OSBPL1A: variants seen among roughly 807,000 people sequenced by gnomAD.
OSBPL1A encodes the protein oxysterol-binding protein-related protein 1.
OSBPL1A carries 80 observed loss-of-function variants against 137.1 expected under a neutral mutation model. The ratio of observed to expected loss-of-function variants is 0.58; its 90% CI spans 0.49 to 0.70. The LOEUF (loss-of-function observed/expected upper bound fraction) is 0.70. Ranked by LOEUF, OSBPL1A falls within the 30% of genes least tolerant of loss-of-function variation. The probability of loss-of-function intolerance (pLI) is 0.00; values close to 1 mark genes in which losing one functional copy is unlikely to be tolerated. For synonymous variants in OSBPL1A, 365 were observed against 389.7 expected (o/e 0.94, Z 0.75); for missense variants, 970 against 1,129.4 (o/e 0.86, Z 2.02).
intron 1 of OSBPL1A, among the ~76,000 whole-genome samples, chr18:24,379,761 A>G (rs780733044): frequency 3.2e-4 from 47 of 144,834 alleles, no homozygotes; most frequent in Non-Finnish European, 4.1e-4. Flanking sequence ...TCCCAGCTAT[A>G]TCGGGAGGCT....
chr18:24,343,632 C>G (rs1022882410), intron 4 of OSBPL1A, among the ~76,000 whole-genome samples: 2 of 152,114 alleles, frequency 1.3e-5, no homozygotes, highest in African/African-American at 4.8e-5. Flanking sequence ...CACAGACCAA[C>G]AGAACAGAAT....
chr18:24,204,368 G>A (rs1440214903), intron 17 of OSBPL1A, among the ~76,000 whole-genome samples: 3 of 152,018 alleles, frequency 2.0e-5, no homozygotes, highest in Admixed American at 1.3e-4. Flanking sequence ...CATCTATACC[G>A]CTGGATTTTT....
intron 24 of OSBPL1A, 93 bp from the exon 25 acceptor site, chr18:24,167,538 G>A: frequency 9.7e-7 from 1 of 1,032,038 alleles, no homozygotes; most frequent in Non-Finnish European, 1.5e-6. Context: ...ACAACAGACT[G>A]TAAATATGAT....
Position 24,317,507 on chromosome 18 carries a change from G to A in OSBPL1A, c.733-107C>T, listed in dbSNP as rs2090758545. On this transcript the variant is annotated intron_variant, in intron 9 of 27. Coordinates refer to ENST00000319481, the MANE Select transcript of OSBPL1A (RefSeq NM_080597.4). ...ACAGTCATATTTGAGTCTTTAGACA[G>A]TAGCACTGAACAGTAAAAAAAAATG... is the stretch of plus-strand genomic sequence containing the variant. 3 of 818,234 alleles carry A rather than the reference G, an allele frequency of 3.7e-6. No individual in the cohort carries two copies. The Admixed American group carries it at 6.9e-5, about 19-fold the overall frequency. 50.7% of individuals were successfully genotyped at this position (818,234 alleles called of 1,614,324 possible). A position where few individuals can be genotyped will look rare whatever the true frequency, so the allele number is the denominator to read the frequency against.
chr18:24,301,514 C>A (rs948664113), intron 14 of OSBPL1A, among the ~76,000 whole-genome samples: 9 of 151,818 alleles, frequency 5.9e-5, no homozygotes, highest in African/African-American at 2.2e-4. Flanking sequence ...AATCTCCCTA[C>A]TTTTTGGTAG....
intron 21 of OSBPL1A, 38 bp from the exon 22 acceptor site, chr18:24,172,521 G>A (rs1029162434): frequency 1.4e-6 from 2 of 1,419,774 alleles, no homozygotes; most frequent in Non-Finnish European, 2.0e-6. Flanking sequence ...ATAAGTGAGA[G>A]GTATCACTTT....
At chr18:24,390,091 A>T (rs17187528) in intron 1 of OSBPL1A, among the ~76,000 whole-genome samples, 22,647 of 152,190 alleles carry the variant, frequency 0.15, 2,418 homozygotes, top group East Asian at 0.45. Context: ...TCAGGAATAG[A>T]GTTCTTAAAG....
At chr18:24,335,490 T>C (rs758028428) in intron 5 of OSBPL1A, among the ~76,000 whole-genome samples, 4 of 152,192 alleles carry the variant, frequency 2.6e-5, no homozygotes, top group Non-Finnish European at 1.5e-5. Context: ...CAATCCGATT[T>C]GTGTGAGAGA....
In OSBPL1A at chr18:24,368,289, T is replaced by TC. The variant is rs759182738; in HGVS notation, c.204dup (p.Lys69GlufsTer11). The TC allele has an allele frequency of 6.2e-6, 10 of 1,608,450 alleles. No individual in the cohort carries two copies. Among genetic ancestry groups the TC allele is most frequent in the Non-Finnish European group, 7.7e-6 (9 of 1,175,284 alleles). ...AAAAATTAAAGTCATAAATAGACCT[T>TC]CAACAGATCCTGGACCACTTGTCTG... is the stretch of plus-strand genomic sequence containing the variant. On this transcript the variant is annotated frameshift_variant, in exon 3 of 28. Transcript: ENST00000319481. LOFTEE classifies it high-confidence loss of function.
chr18:24,249,709 G>A (rs2089014535), intron 15 of OSBPL1A, among the ~76,000 whole-genome samples: 1 of 152,148 alleles, frequency 6.6e-6, no homozygotes, highest in African/African-American at 2.4e-5. Context: ...AGGAGCATTT[G>A]GACCAGCCCT....
chr18:24,285,580 GA>G lies in OSBPL1A; in HGVS notation c.1175-4633del, dbSNP rs1486274372. Among the ~76,000 whole-genome samples the G allele has an allele frequency of 7.9e-5, 12 of 152,156 alleles. No homozygotes were observed. The East Asian group carries it at 1.7e-3, about 22-fold the overall frequency. ...CATCATTTGGGACAAGTATTTAAAA[GA>G]AAAAAACTGGATGAAGGCATTTTAT... On this transcript the variant is annotated intron_variant, in intron 14 of 27. Transcript: ENST00000319481.
intron 15 of OSBPL1A, among the ~76,000 whole-genome samples, chr18:24,250,486 A>C (rs1445328497): frequency 6.6e-6 from 1 of 152,100 alleles, no homozygotes; most frequent in East Asian, 1.9e-4. Context: ...TCCTGACGAC[A>C]TTTCTAGACA....
rs869274051 is a variant in OSBPL1A, at chr18:24,250,182, GTTTGTT to G, written c.1282-10806_1282-10801del. On this transcript the variant is annotated intron_variant, in intron 15 of 27. Coordinates refer to ENST00000319481, the MANE Select transcript of OSBPL1A (RefSeq NM_080597.4). Reference sequence around the variant, plus strand: ...TGTTTGTTTGTTTGTTTGTTTGTTTGTTTGTTTTTTTTGACATGGAGTCTCACTCCG... The same window carrying G: ...TGTTTGTTTGTTTGTTTGTTTGTTTGTTTTTTGACATGGAGTCTCACTCCG... Among the ~76,000 whole-genome samples the G allele has an allele frequency of 8.6e-3, 1,223 of 142,050 alleles. 32 individuals carry two copies. The highest frequency in any genetic ancestry group is 0.025 in the African/African-American group (965 of 38,158). 93.2% of individuals were successfully genotyped at this position (142,050 alleles called of 152,430 possible). A position where few individuals can be genotyped will look rare whatever the true frequency, so the allele number is the denominator to read the frequency against.
intron 14 of OSBPL1A, among the ~76,000 whole-genome samples, chr18:24,291,837 G>A (rs8086069): frequency 0.14 from 20,784 of 151,162 alleles, 2,328 homozygotes; most frequent in African/African-American, 0.31. Context: ...TGGATCACCT[G>A]AGGTCAGGAG....
intron 17 of OSBPL1A, among the ~76,000 whole-genome samples, chr18:24,220,122 G>T (rs1379504443): frequency 6.6e-6 from 1 of 152,198 alleles, no homozygotes; most frequent in African/African-American, 2.4e-5. Context: ...TTGCCAATCT[G>T]TTCCAGGTGT....
At chr18:24,238,995 T>C (rs1365427491) in intron 16 of OSBPL1A, among the ~76,000 whole-genome samples, 1 of 152,226 alleles carries the variant, frequency 6.6e-6, no homozygotes, top group African/African-American at 2.4e-5. Context: ...ACATCTTCAG[T>C]ATAGGCAGAG....
At chr18:24,368,726 C>T (rs1021087133) in intron 2 of OSBPL1A, 10 of 193,960 alleles carry the variant, frequency 5.2e-5, no homozygotes, top group East Asian at 1.1e-4. Context: ...ACATAGTTCA[C>T]GACAAGCAAC....
intron 16 of OSBPL1A, among the ~76,000 whole-genome samples, chr18:24,230,112 T>A (rs894259266): frequency 7.9e-5 from 12 of 152,156 alleles, no homozygotes; most frequent in Non-Finnish European, 1.5e-4. Context: ...ATCAAAATGT[T>A]AGTGGGTAAT....
intron 12 of OSBPL1A, among the ~76,000 whole-genome samples, chr18:24,313,444 G>C (rs983897877): frequency 2.0e-5 from 3 of 151,806 alleles, no homozygotes; most frequent in Admixed American, 6.6e-5. Flanking sequence ...AAAGAATAGG[G>C]ATAGTCCATT....
Sources: gnomAD v4.1 joint callset for allele counts (sites outside exome capture counted in the v4.1 genomes callset) on GRCh38, gnomAD v4.1.1 for gene constraint, MANE v1.5 for transcripts, NCBI Gene and HGNC (gene_info 2026-07-23, HGNC 2026-07-21) for gene names.